ALDH1L2: variants seen among roughly 807,000 people sequenced by gnomAD.
ALDH1L2 encodes the protein aldehyde dehydrogenase 1 family member L2.
In ALDH1L2, 91 loss-of-function variants were observed where a neutral mutation model predicts 111.0. The observed-to-expected ratio is 0.82, with a 90% CI of 0.69 to 0.98. The LOEUF (loss-of-function observed/expected upper bound fraction) is 0.98, where lower values mean the gene tolerates loss of function less well. Among genes scored for constraint, ALDH1L2 ranks in the 50% least tolerant of loss-of-function variants. ALDH1L2 has a pLI of 0.00. For synonymous variants in ALDH1L2, 374 were observed against 392.6 expected, an observed-to-expected ratio of 0.95 and a Z score of 0.56; for missense variants, 995 against 1,126.8, an observed-to-expected ratio of 0.88 and a Z score of 1.67.
At chr12:105,039,108 A>C (rs1018497843) in intron 17 of ALDH1L2, among the ~76,000 whole-genome samples, 9 of 152,178 alleles carry the variant, frequency 5.9e-5, no homozygotes, top group African/African-American at 2.2e-4. Context: ...CCTATTTGTG[A>C]TCTGTCCTAC....
intron 6 of ALDH1L2, among the ~76,000 whole-genome samples, chr12:105,064,125 T>TTTTA (rs1877198095): frequency 2.3e-5 from 1 of 43,048 alleles, no homozygotes; most frequent in Admixed American, 2.7e-4. Context: ...TTTTTTTTTT[T>TTTTA]TTTTTTTTTT....
intron 13 of ALDH1L2, 94 bp from the exon 14 acceptor site, chr12:105,047,063 T>A: frequency 7.3e-7 from 1 of 1,375,176 alleles, no homozygotes; most frequent in Non-Finnish European, 1.0e-6. Context: ...CTCTTACTTT[T>A]TGTTAGCTGA....
At chr12:105,032,010 T>A in intron 19 of ALDH1L2, 76 bp from the exon 20 acceptor site, 1 of 1,482,042 alleles carries the variant, frequency 6.7e-7, no homozygotes, top group Non-Finnish European at 9.2e-7. Flanking sequence ...GTAGGTGTTA[T>A]ACTAAGGTGT....
Position 105,046,954 on chromosome 12 carries a change from T to C in ALDH1L2, c.1702A>G (p.Ile568Val). ...TTGCGATTTGGACGGGCCTGGTTGA[T>C]TGGAATAGTAGAACCCTAAAGAATG... is the stretch of plus-strand genomic sequence containing the variant. ...CDKIQGSTIP[I>V]NQARPNRNLT... Residue 568 changes from isoleucine to valine, a missense_variant, in exon 14 of 23, where the codon ATC (isoleucine) becomes GTC (valine). Transcript: ENST00000258494. 2 of 1,614,138 alleles carry C rather than the reference T, an allele frequency of 1.2e-6. No individual in the cohort carries two copies. Among genetic ancestry groups the C allele is most frequent in the Non-Finnish European group, 8.5e-7 (1 of 1,179,978 alleles).
At chr12:105,028,231 C>T (rs1874518719) in intron 21 of ALDH1L2, among the ~76,000 whole-genome samples, 1 of 152,186 alleles carries the variant, frequency 6.6e-6, no homozygotes, top group Admixed American at 6.5e-5. Flanking sequence ...CTGCCTCAGC[C>T]TCCTGAGTAG....
Position 105,024,353 on chromosome 12 carries a change from C to T in ALDH1L2, c.*71G>A, listed in dbSNP as rs1327762778. 6.3e-7 allele frequency: 1 copy of T among 1,577,192 alleles called. No individual in the cohort carries two copies. Among genetic ancestry groups the T allele is most frequent in the Non-Finnish European group, 8.7e-7 (1 of 1,149,022 alleles). ...GGCTGACACCTCCTGCCTCAACACACCCAATCTTCTTAAGTGTGTCCAGAG... is the reference window on the plus strand; with the variant it reads ...GGCTGACACCTCCTGCCTCAACACATCCAATCTTCTTAAGTGTGTCCAGAG... On this transcript the variant is annotated 3_prime_UTR_variant, in exon 23 of 23. Coordinates refer to ENST00000258494, the MANE Select transcript of ALDH1L2 (RefSeq NM_001034173.4).
At chr12:105,034,487 T>G in intron 18 of ALDH1L2, 89 bp from the exon 19 acceptor site, 1 of 1,164,292 alleles carries the variant, frequency 8.6e-7, no homozygotes, top group East Asian at 2.5e-5. Context: ...TAGTTGTTTT[T>G]GGAAGACAGC....
chr12:105,052,032 C>A (rs2136076924), intron 12 of ALDH1L2, 58 bp downstream of exon 12: 2 of 1,405,134 alleles, frequency 1.4e-6, no homozygotes, highest in Non-Finnish European at 1.9e-6. Context: ...ACGTAGTGAA[C>A]CCCTGTCTCT....
chr12:105,078,703 G>A (rs1878194036), intron 1 of ALDH1L2, among the ~76,000 whole-genome samples: 1 of 152,310 alleles, frequency 6.6e-6, no homozygotes, highest in Admixed American at 6.5e-5. Context: ...AACTAGTAGG[G>A]AGGGCACACA....
intron 16 of ALDH1L2, among the ~76,000 whole-genome samples, chr12:105,040,053 G>A (rs569508503): frequency 6.7e-5 from 10 of 148,610 alleles, no homozygotes; most frequent in African/African-American, 2.0e-4. Flanking sequence ...TTGAACCCAG[G>A]AGGCGGAGGT....
intron 15 of ALDH1L2, among the ~76,000 whole-genome samples, chr12:105,045,356 A>T (rs1415418709): frequency 6.6e-6 from 1 of 152,178 alleles, no homozygotes; most frequent in East Asian, 1.9e-4. Flanking sequence ...AAGTGCTGGG[A>T]TTATAGGTGT....
At chr12:105,045,993 T>G (rs545905296) in intron 15 of ALDH1L2, among the ~76,000 whole-genome samples, 50 of 151,954 alleles carry the variant, frequency 3.3e-4, no homozygotes, top group Admixed American at 1.4e-3. Context: ...TTAACTTGGC[T>G]GCCATATTTT....
chr12:105,067,223 A>G (rs1247584549), intron 4 of ALDH1L2, among the ~76,000 whole-genome samples: 1 of 151,238 alleles, frequency 6.6e-6, no homozygotes, highest in Non-Finnish European at 1.5e-5. Flanking sequence ...CTCAAAAAAA[A>G]AAAAAAAAAA....
chr12:105,071,584 T>G (rs1304160548), intron 2 of ALDH1L2, among the ~76,000 whole-genome samples: 1 of 139,764 alleles, frequency 7.2e-6, no homozygotes. Context: ...TTTATATATA[T>G]ATTTAAGTAC....
Position 105,039,807 on chromosome 12 carries a change from C to A in ALDH1L2, c.1952-1G>T. On this transcript the variant is annotated splice_acceptor_variant, in intron 16 of 22. Transcript: ENST00000258494. LOFTEE classifies it high-confidence loss of function. ...GACAGACGTTGTCCTGCTATGCCAC[C>A]TGTAGAATTAGGGAATAAAACGGGA... 1 of 1,613,728 alleles carries A rather than the reference C, an allele frequency of 6.2e-7. No individual in the cohort carries two copies. Among genetic ancestry groups the A allele is most frequent in the Non-Finnish European group, 8.5e-7 (1 of 1,179,746 alleles).
intron 13 of ALDH1L2, chr12:105,049,647 C>A: frequency 3.6e-6 from 1 of 278,734 alleles, no homozygotes. Context: ...TACAAGGCAC[C>A]ATCTTAAAAC....
chr12:105,076,413 A>T (rs930371059), intron 1 of ALDH1L2, among the ~76,000 whole-genome samples: 7 of 152,106 alleles, frequency 4.6e-5, no homozygotes, highest in African/African-American at 1.7e-4. Flanking sequence ...TTGCACAATG[A>T]CTCCTGGAGA....
At chr12:105,025,809 C>T (rs1874380432) in intron 22 of ALDH1L2, among the ~76,000 whole-genome samples, 1 of 152,236 alleles carries the variant, frequency 6.6e-6, no homozygotes, top group Non-Finnish European at 1.5e-5. Flanking sequence ...TGAATTCTCT[C>T]TTGCCAGTGC....
intron 4 of ALDH1L2, among the ~76,000 whole-genome samples, chr12:105,067,569 CT>C (rs1404112395): frequency 2.6e-5 from 4 of 152,242 alleles, no homozygotes; most frequent in East Asian, 3.9e-4. Flanking sequence ...GCTTGATTGC[CT>C]TTGGGAGGTG....
Sources: allele counts gnomAD v4.1 joint callset (sites outside exome capture counted in the v4.1 genomes callset), GRCh38; gene constraint gnomAD v4.1.1; transcripts MANE v1.5; gene names NCBI Gene and HGNC (gene_info 2026-07-23, HGNC 2026-07-21).